ZNF35: variants seen among roughly 807,000 people sequenced by gnomAD.
ZNF35 encodes zinc finger protein 35 (clone HF.10).
A neutral mutation model predicts 45.9 loss-of-function variants in ZNF35; 31 were observed. That is an observed-to-expected ratio of 0.68 (90% CI 0.51 to 0.91). The LOEUF is 0.91. ZNF35 is among the 40% of genes least tolerant of loss of function. The pLI, the probability that ZNF35 is intolerant of heterozygous loss-of-function variation, is 0.00. For synonymous variants in ZNF35, 205 were observed against 220.2 expected, an observed-to-expected ratio of 0.93 and a Z score of 0.61; for missense variants, 515 against 625.4, an observed-to-expected ratio of 0.82 and a Z score of 1.88.
intron 2 of ZNF35, among the ~76,000 whole-genome samples, chr3:44,652,026 C>G (rs1703212491): frequency 6.6e-6 from 1 of 152,034 alleles, no homozygotes. Flanking sequence ...TGGGGGTGGT[C>G]TGAGATTCTG....
At chr3:44,650,418 T>C (rs1703176073) in intron 1 of ZNF35, among the ~76,000 whole-genome samples, 1 of 152,242 alleles carries the variant, frequency 6.6e-6, no homozygotes, top group Admixed American at 6.5e-5. Flanking sequence ...TGGGATCCTT[T>C]TGTTCACATT....
Position 44,650,927 on chromosome 3 carries a change from T to C in ZNF35, c.-127-14T>C, listed in dbSNP as rs1306614396. 4.9e-6 allele frequency: 4 copies of C among 818,410 alleles called. No homozygotes were observed. The African/African-American group carries it at 6.9e-5, about 14-fold the overall frequency. 50.7% of individuals were successfully genotyped at this position (818,410 alleles called of 1,614,324 possible). On this transcript the variant is annotated splice_polypyrimidine_tract_variant and intron_variant, in intron 1 of 3. Coordinates refer to ENST00000396056, the MANE Select transcript of ZNF35 (RefSeq NM_003420.4). Reference sequence around the variant, plus strand: ...ATCTCTCCTTGGTGCTAACAGTGTTTTCTGATTTCTCAGTAGGCAGTACTC... The same window carrying C: ...ATCTCTCCTTGGTGCTAACAGTGTTCTCTGATTTCTCAGTAGGCAGTACTC...
intron 3 of ZNF35, among the ~76,000 whole-genome samples, chr3:44,655,516 A>G (rs1415723033): frequency 6.6e-6 from 1 of 151,878 alleles, no homozygotes; most frequent in Non-Finnish European, 1.5e-5. Flanking sequence ...GTTTTTCATT[A>G]TTTCTGTACT....
In ZNF35 at chr3:44,659,815, A is replaced by G; in HGVS notation, c.1452A>G (p.Arg484=). 6.2e-7 allele frequency: 1 copy of G among 1,612,348 alleles called. No individual in the cohort carries two copies. The highest frequency in any genetic ancestry group is 8.5e-7 in the Non-Finnish European group (1 of 1,179,390). The change falls in exon 4 of 4, where the codon AGA becomes AGG. Residue 484 remains arginine (R), a synonymous_variant. Coordinates refer to ENST00000396056, the MANE Select transcript of ZNF35 (RefSeq NM_003420.4). The surrounding 1 kb of genome is among the most constrained non-coding windows in gnomAD (Gnocchi z 4.3). The part of the protein sequence containing the change: ...YTCNECGKAF[R]QRSSLTVHQR... Reference sequence around the variant, plus strand: ...GTAATGAGTGTGGGAAGGCCTTCAGACAGAGGTCGAGCCTCACCGTGCACC... The same window carrying G: ...GTAATGAGTGTGGGAAGGCCTTCAGGCAGAGGTCGAGCCTCACCGTGCACC...
At chr3:44,653,854 G>T (rs1303663680) in intron 3 of ZNF35, among the ~76,000 whole-genome samples, 1 of 152,140 alleles carries the variant, frequency 6.6e-6, no homozygotes, top group East Asian at 1.9e-4. Flanking sequence ...TGATTGCCAA[G>T]CCCTATTCTT....
Position 44,660,007 on chromosome 3 carries a change from C to G in ZNF35, c.*60C>G. 1 of 1,468,812 alleles carries G rather than the reference C, an allele frequency of 6.8e-7. No homozygotes were observed. The highest frequency in any genetic ancestry group is 1.5e-5 in the South Asian group (1 of 66,244). 91.0% of individuals were successfully genotyped at this position (1,468,812 alleles called of 1,614,324 possible). A position where few individuals can be genotyped will look rare whatever the true frequency, so the allele number is the denominator to read the frequency against. ...ATAACCTTCTGCCTCCCTAATGAGA[C>G]ACCTCTTTGCTGTTTTCTTCCTCCT... is the stretch of plus-strand genomic sequence containing the variant. On this transcript the variant is annotated 3_prime_UTR_variant, in exon 4 of 4. Transcript: ENST00000396056.
chr3:44,659,560 T>A lies in ZNF35; in HGVS notation c.1197T>A (p.Phe399Leu). 6.2e-7 allele frequency: 1 copy of A among 1,614,032 alleles called. No individual in the cohort carries two copies. Among genetic ancestry groups the A allele is most frequent in the Non-Finnish European group, 8.5e-7 (1 of 1,179,956 alleles). Residue 399 changes from phenylalanine (F) to leucine (L), a missense_variant, in exon 4 of 4, where the codon TTT becomes TTA. This residue lies in a region of ZNF35 where 232 missense variants were observed against 304.6 expected (regional missense o/e 0.76). Transcript: ENST00000396056. This position sits in a 1 kb window ranked among gnomAD's most constrained non-coding sequence, Gnocchi z 4.3. Reference protein sequence around the residue: ...PYECKECGKAFSCFSHLIVHQ... With the variant: ...PYECKECGKALSCFSHLIVHQ... ...AGTGTAAAGAGTGTGGGAAAGCCTT[T>A]AGTTGTTTTTCACACCTTATTGTGC...
At chr3:44,656,358 G>A (rs1222247023) in intron 3 of ZNF35, among the ~76,000 whole-genome samples, 1 of 150,922 alleles carries the variant, frequency 6.6e-6, no homozygotes, top group Non-Finnish European at 1.5e-5. Context: ...AGAACAGTAG[G>A]AATAGAAATA....
chr3:44,659,149 T>G lies in ZNF35; in HGVS notation c.786T>G (p.Ser262Arg), dbSNP rs751299039. Reference sequence around the variant, plus strand: ...AGTGTGGGAAGGCCTTCATTCAGAGTGCAAACCTCGTTGTGCATCAGAGAA... The same window carrying G: ...AGTGTGGGAAGGCCTTCATTCAGAGGGCAAACCTCGTTGTGCATCAGAGAA... The part of the protein sequence containing the change: ...CHECGKAFIQ[S>R]ANLVVHQRIH... Residue 262 changes from serine to arginine, a missense_variant, in exon 4 of 4, where the codon AGT (serine) becomes AGG (arginine). By Grantham distance (110) the Ser-to-Arg change is moderately radical. Coordinates refer to ENST00000396056, the MANE Select transcript of ZNF35 (RefSeq NM_003420.4). The surrounding 1 kb of genome is among the most constrained non-coding windows in gnomAD (Gnocchi z 4.3). 18 of 1,613,636 alleles carry G rather than the reference T, an allele frequency of 1.1e-5. No individual in the cohort carries two copies. In the Admixed American group the frequency reaches 2.8e-4, roughly 25 times the overall value.
At chr3:44,654,739 C>T (rs1703266266) in intron 3 of ZNF35, among the ~76,000 whole-genome samples, 1 of 152,150 alleles carries the variant, frequency 6.6e-6, no homozygotes, top group Non-Finnish European at 1.5e-5. Context: ...TAACTTTTTA[C>T]TTCATCCATA....
At chr3:44,655,103 C>CA (rs1250686913) in intron 3 of ZNF35, among the ~76,000 whole-genome samples, 1 of 152,080 alleles carries the variant, frequency 6.6e-6, no homozygotes, top group Admixed American at 6.6e-5. Context: ...CACTGCACTC[C>CA]AGCCTGGGCA....
At chr3:44,649,424 A>G (rs1703134425) in intron 1 of ZNF35, among the ~76,000 whole-genome samples, 1 of 152,242 alleles carries the variant, frequency 6.6e-6, no homozygotes, top group Non-Finnish European at 1.5e-5. Flanking sequence ...GATCACTTCA[A>G]TAGCAGCAAC....
At chr3:44,649,071 G>T (rs551629984) in intron 1 of ZNF35, among the ~76,000 whole-genome samples, 2 of 152,344 alleles carry the variant, frequency 1.3e-5, no homozygotes, top group South Asian at 4.1e-4. Context: ...AGGTCCCAGG[G>T]ACAGGGCCGC....
intron 2 of ZNF35, 45 bp from the exon 3 acceptor site, chr3:44,652,512 C>A: frequency 2.0e-6 from 3 of 1,468,714 alleles, no homozygotes; most frequent in South Asian, 1.5e-5. Context: ...CCACACTACC[C>A]CCTACCACCA....
chr3:44,656,061 A>G (rs74615600), intron 3 of ZNF35, among the ~76,000 whole-genome samples: 1 of 152,190 alleles, frequency 6.6e-6, no homozygotes, highest in Non-Finnish European at 1.5e-5. Context: ...AAGGGAGGAG[A>G]CGTTGGATGG....
intron 3 of ZNF35, among the ~76,000 whole-genome samples, chr3:44,656,119 CAA>C (rs1310094802): frequency 1.3e-5 from 2 of 151,608 alleles, no homozygotes; most frequent in Non-Finnish European, 2.9e-5. Flanking sequence ...GTAGAGAACA[CAA>C]AGAGAAGCAA....
chr3:44,658,604 G>T, intron 3 of ZNF35, 97 bp from the exon 4 acceptor site: 1 of 1,314,130 alleles, frequency 7.6e-7, no homozygotes. Flanking sequence ...TTTTGTGGAG[G>T]TGCTGAAATC....
intron 3 of ZNF35, among the ~76,000 whole-genome samples, chr3:44,656,911 G>A (rs768727738): frequency 2.6e-5 from 4 of 152,158 alleles, no homozygotes; most frequent in South Asian, 2.1e-4. Flanking sequence ...TGGCCAGGCC[G>A]TTCTCAAACT....
chr3:44,650,302 TCAAA>T (rs1390151359), intron 1 of ZNF35, among the ~76,000 whole-genome samples: 1 of 151,844 alleles, frequency 6.6e-6, no homozygotes, highest in Non-Finnish European at 1.5e-5. Flanking sequence ...AATGTAAAAA[TCAAA>T]CAAAAAAAAT....
Sources: gnomAD v4.1 joint callset for allele counts (sites outside exome capture counted in the v4.1 genomes callset) on GRCh38, gnomAD v4.1.1 for gene constraint, gnomAD v4.1.1 regional missense constraint, Gnocchi (gnomAD v3.1) non-coding constraint, MANE v1.5 for transcripts, NCBI Gene and HGNC (gene_info 2026-07-23, HGNC 2026-07-21) for gene names.